Variants in SHANK1 observed in about 807,000 individuals in gnomAD.
The protein encoded by SHANK1 is SH3 and multiple ankyrin repeat domains protein 1.
SHANK1 carries 35 observed loss-of-function variants against 165.6 expected under a neutral mutation model. That is an observed-to-expected ratio of 0.21 (90% CI 0.16 to 0.28). The LOEUF (loss-of-function observed/expected upper bound fraction) is 0.28. Among genes scored for constraint, SHANK1 ranks in the 10% least tolerant of loss-of-function variants. The pLI is 1.00. For missense variants in SHANK1, 2,681 were observed against 3,036.4 expected (o/e 0.88, Z 2.75); for synonymous variants, 1,428 against 1,384.8 (o/e 1.03, Z -0.69).
chr19:50,682,055 C>T (rs116263247), intron 21 of SHANK1, among the ~76,000 whole-genome samples: 2,070 of 139,088 alleles, frequency 0.015, 58 homozygotes, highest in East Asian at 0.13. Flanking sequence ...ATTTTCTTTT[C>T]CTTTTTTCTA....
At position 50,718,460 on chromosome 19, in the gene SHANK1, C is replaced by A. The variant is rs931058361; in HGVS notation, c.-44+946G>T. ...GAAAGAAAAGCTGGCTAGGGCCCCC[C>A]GCGCGTACGGCTGCCCCAGCCCCCC... On this transcript the variant is annotated intron_variant, in intron 1 of 23. Transcript: ENST00000293441. This position sits in a 1 kb window ranked among gnomAD's most constrained non-coding sequence, Gnocchi z 5.1. Among the ~76,000 whole-genome samples, 4 of 152,022 alleles carry A rather than the reference C, an allele frequency of 2.6e-5. No individual in the cohort carries two copies. The highest frequency in any genetic ancestry group is 9.7e-5 in the African/African-American group (4 of 41,400).
At chr19:50,681,117 A>C (rs1390381283) in intron 21 of SHANK1, among the ~76,000 whole-genome samples, 3 of 151,806 alleles carry the variant, frequency 2.0e-5, no homozygotes, top group African/African-American at 2.4e-5. Flanking sequence ...GGAAATCGAG[A>C]CACCGAGAAC....
chr19:50,713,784 C>T lies in SHANK1; in HGVS notation c.792+14G>A, dbSNP rs1281409236. 8.7e-6 allele frequency: 14 copies of T among 1,611,352 alleles called. No individual in the cohort carries two copies. Among genetic ancestry groups the T allele is most frequent in the South Asian group, 2.2e-5 (2 of 90,984 alleles). ...GGGCCCCATGGCGGGGATGGGGGGT[C>T]CCCGAAGCCTCACCGTGAGTGCCAG... On this transcript the variant is annotated intron_variant, in intron 6 of 23. Transcript: ENST00000293441. This position sits in a 1 kb window ranked among gnomAD's most constrained non-coding sequence, Gnocchi z 6.2.
At position 50,661,891 on chromosome 19, in the gene SHANK1, G is replaced by T; in HGVS notation, c.*74C>A. On this transcript the variant is annotated 3_prime_UTR_variant, in exon 24 of 24. Transcript: ENST00000293441. The stretch of plus-strand genomic sequence containing the variant: ...TCCCTGGCCCGGGGAGAGAATGACA[G>T]TCAGGGGTCAGAGGTCAAGAGGCCA... 1 of 1,518,348 alleles carries T rather than the reference G, an allele frequency of 6.6e-7. No homozygotes were observed. The highest frequency in any genetic ancestry group is 9.1e-7 in the Non-Finnish European group (1 of 1,100,348). 94.1% of individuals were successfully genotyped at this position (1,518,348 alleles called of 1,614,324 possible).
intron 8 of SHANK1, among the ~76,000 whole-genome samples, chr19:50,709,350 C>T (rs908237226): frequency 6.6e-6 from 1 of 152,086 alleles, no homozygotes; most frequent in Non-Finnish European, 1.5e-5. Flanking sequence ...AGCGTGTTAG[C>T]CAGGATGGTC....
chr19:50,668,679 G>A lies in SHANK1; in HGVS notation c.3281C>T (p.Ala1094Val). Reference sequence around the variant, plus strand: ...CGAGCGGGCGGGCACGTACATGGCTGCGCTGGCCGCCCGCGGGGGCAGCTG... The same window carrying A: ...CGAGCGGGCGGGCACGTACATGGCTACGCTGGCCGCCCGCGGGGGCAGCTG... ...YFQLPPRAAS[A>V]AMYVPARSGR... The change falls in exon 23 of 24, where the codon GCA (alanine) becomes GTA (valine). Residue 1094 changes from alanine to valine, a missense_variant. Coordinates refer to ENST00000293441, the MANE Select transcript of SHANK1 (RefSeq NM_016148.5). 1 of 1,319,638 alleles carries A rather than the reference G, an allele frequency of 7.6e-7. No homozygotes were observed. Among genetic ancestry groups the A allele is most frequent in the Admixed American group, 4.0e-5 (1 of 25,302 alleles). The allele number at this position is 1,319,638 out of a possible 1,614,324, so 81.7% of individuals were successfully genotyped here.
At chr19:50,671,529 A>G (rs756137820) in intron 22 of SHANK1, among the ~76,000 whole-genome samples, 11 of 150,502 alleles carry the variant, frequency 7.3e-5, no homozygotes, top group Non-Finnish European at 1.5e-4. Context: ...CTAACATACT[A>G]GATAATTTTC....
At chr19:50,708,500 G>A (rs1186864099) in intron 8 of SHANK1, among the ~76,000 whole-genome samples, 13 of 51,510 alleles carry the variant, frequency 2.5e-4, no homozygotes, top group South Asian at 7.6e-4. Context: ...CCCCAACCCC[G>A]CCCTCGCCCT....
intron 15 of SHANK1, among the ~76,000 whole-genome samples, chr19:50,691,022 G>A (rs1986522373): frequency 6.6e-6 from 1 of 152,012 alleles, no homozygotes; most frequent in East Asian, 1.9e-4. Flanking sequence ...CACCACGCAT[G>A]TTCACATGTA....
In SHANK1 at chr19:50,667,764, G is replaced by A. The variant is rs1280923316; in HGVS notation, c.4196C>T (p.Ala1399Val). 5 of 1,308,230 alleles carry A rather than the reference G, an allele frequency of 3.8e-6. No individual in the cohort carries two copies. In the East Asian group the frequency reaches 1.3e-4, roughly 33 times the overall value. The allele number at this position is 1,308,230 out of a possible 1,614,324, so 81.0% of individuals were successfully genotyped here. A position where few individuals can be genotyped will look rare whatever the true frequency, so the allele number is the denominator to read the frequency against. The part of the protein sequence containing the change: ...PPTPHHHSPH[A>V]HHEPVLRLWG... ...GAGACGCAGCACTGGCTCGTGGTGG[G>A]CGTGGGGCGAGTGGTGGTGCGGGGT... Residue 1399 changes from alanine (A) to valine (V), a missense_variant, in exon 23 of 24, where the codon GCC becomes GTC. By Grantham distance (64) the Ala-to-Val change is moderately conservative. Around this residue, in one of 10 missense-constraint regions of SHANK1, gnomAD observed 1,713 missense variants for 1,630.2 expected, o/e 1.05. Transcript: ENST00000293441. This position sits in a 1 kb window ranked among gnomAD's most constrained non-coding sequence, Gnocchi z 5.7.
At chr19:50,715,609 CT>C (rs2089060627) in intron 4 of SHANK1, 49 bp downstream of exon 4, 2 of 1,532,770 alleles carry the variant, frequency 1.3e-6, no homozygotes, top group Non-Finnish European at 1.8e-6. Flanking sequence ...GGGTAGGGGG[CT>C]CCAGTGGTAG....
At chr19:50,705,270 A>G (rs184979902) in intron 8 of SHANK1, among the ~76,000 whole-genome samples, 5 of 152,040 alleles carry the variant, frequency 3.3e-5, no homozygotes, top group African/African-American at 1.2e-4. Flanking sequence ...TGAACCCAGG[A>G]GGTGGAGGTT....
At chr19:50,665,737 T>A (rs1186274677) in intron 23 of SHANK1, among the ~76,000 whole-genome samples, 26 of 98,164 alleles carry the variant, frequency 2.6e-4, no homozygotes, top group South Asian at 3.4e-4. Context: ...ACCCTGTTTC[T>A]AAAAAAAAAA....
At chr19:50,687,051 G>C in intron 19 of SHANK1, 1 of 1,472,678 alleles carries the variant, frequency 6.8e-7, no homozygotes, top group Non-Finnish European at 9.0e-7. Context: ...CTAGCCCGGG[G>C]GAGAGGCAGT....
chr19:50,660,359 T>C lies in SHANK1; in HGVS notation c.*1606A>G, dbSNP rs982411402. Among the ~76,000 whole-genome samples, 1 of 150,776 alleles carries C rather than the reference T, an allele frequency of 6.6e-6. No homozygotes were observed. The highest frequency in any genetic ancestry group is 1.5e-5 in the Non-Finnish European group (1 of 67,650). ...CCCAGGAAAGACAGAAGAGGGAGGA[T>C]GTGAGGAAGGGTGAGGGCTGGAGGC... On this transcript the variant is annotated 3_prime_UTR_variant, in exon 24 of 24. Transcript: ENST00000293441.
Position 50,716,931 on chromosome 19 carries a change from G to A in SHANK1, c.-12C>T, listed in dbSNP as rs751262276. ...GGGCTGTGGGTCATTGTGGGGCCAC[G>A]GGGCGACGGGGGACGGCAGCATCAC... On this transcript the variant is annotated 5_prime_UTR_variant, in exon 2 of 24. Coordinates refer to ENST00000293441, the MANE Select transcript of SHANK1 (RefSeq NM_016148.5). The surrounding 1 kb of genome is among the most constrained non-coding windows in gnomAD (Gnocchi z 8.4). 1.5e-5 allele frequency: 22 copies of A among 1,423,296 alleles called. No individual in the cohort carries two copies. Among genetic ancestry groups the A allele is most frequent in the Non-Finnish European group, 1.7e-5 (18 of 1,088,886 alleles). The allele number at this position is 1,423,296 out of a possible 1,614,324, so 88.2% of individuals were successfully genotyped here.
In SHANK1 at chr19:50,688,119, C is replaced by A; in HGVS notation, c.2173-61G>T. ...ACGAGGGGAGGGGTGCTTGCAGCTT[C>A]AGAGACCCCAAGGAGGATGCCTCCT... On this transcript the variant is annotated intron_variant, in intron 17 of 23. Transcript: ENST00000293441. The surrounding 1 kb of genome is among the most constrained non-coding windows in gnomAD (Gnocchi z 6.7). 6.3e-7 allele frequency: 1 copy of A among 1,599,764 alleles called. No homozygotes were observed. Among genetic ancestry groups the A allele is most frequent in the South Asian group, 1.1e-5 (1 of 89,934 alleles).
chr19:50,661,742 CACA>C lies in SHANK1; in HGVS notation c.*220_*222del. The C allele has an allele frequency of 3.0e-6, 1 of 333,432 alleles. No homozygotes were observed. The highest frequency in any genetic ancestry group is 5.1e-6 in the Non-Finnish European group (1 of 195,974). The allele number at this position is 333,432 out of a possible 1,614,324, so 20.7% of individuals were successfully genotyped here. ...TATCCCCCCTCCGCTCCCCGCTTCACACACACACACACACTCTTGTGTCAGCTG... is the reference window on the plus strand; with the variant it reads ...TATCCCCCCTCCGCTCCCCGCTTCACCACACACACACTCTTGTGTCAGCTG... On this transcript the variant is annotated 3_prime_UTR_variant, in exon 24 of 24. Transcript: ENST00000293441.
Position 50,666,285 on chromosome 19 carries a change from G to A in SHANK1, c.5675C>T (p.Pro1892Leu). The A allele has an allele frequency of 1.2e-6, 2 of 1,611,970 alleles. No individual in the cohort carries two copies. The highest frequency in any genetic ancestry group is 1.7e-6 in the Non-Finnish European group (2 of 1,179,390). Residue 1892 changes from proline (P) to leucine (L), a missense_variant, in exon 23 of 24, where the codon CCC becomes CTC. Coordinates refer to ENST00000293441, the MANE Select transcript of SHANK1 (RefSeq NM_016148.5). ...GGSSAAGGAL[P>L]WARGGSGGGG... Reference sequence around the variant, plus strand: ...TCCCCCACTGCCTCCTCGGGCCCAGGGCAGAGCGCCGCCAGCTGCCGAGGA... The same window carrying A: ...TCCCCCACTGCCTCCTCGGGCCCAGAGCAGAGCGCCGCCAGCTGCCGAGGA...
Sources: gnomAD v4.1 joint callset for allele counts (sites outside exome capture counted in the v4.1 genomes callset) on GRCh38, gnomAD v4.1.1 for gene constraint, gnomAD v4.1.1 regional missense constraint, Gnocchi (gnomAD v3.1) non-coding constraint, MANE v1.5 for transcripts, NCBI Gene and HGNC (gene_info 2026-07-23, HGNC 2026-07-21) for gene names.